The following CYP11B2 variants were observed in gnomAD, a reference collection of about 807,000 sequenced individuals.
CYP11B2 encodes the protein cytochrome P450 family 11 subfamily B member 2.
CYP11B2 carries 38 observed loss-of-function variants against 49.3 expected under a neutral mutation model. The ratio of observed to expected loss-of-function variants is 0.77; its 90% CI spans 0.59 to 1.01. The LOEUF (loss-of-function observed/expected upper bound fraction) is 1.01, where lower values mean the gene tolerates loss of function less well. Ranked by LOEUF, CYP11B2 falls within the 50% of genes least tolerant of loss-of-function variation. The probability of loss-of-function intolerance (pLI) is 0.00; values close to 1 mark genes in which losing one functional copy is unlikely to be tolerated. For missense variants in CYP11B2, 669 were observed against 655.5 expected, an observed-to-expected ratio of 1.02 and a Z score of -0.23; for synonymous variants, 290 against 269.3, an observed-to-expected ratio of 1.08 and a Z score of -0.75.
At chr8:142,913,715 C>T (rs1210485511) in intron 5 of CYP11B2, among the ~76,000 whole-genome samples, 1 of 152,178 alleles carries the variant, frequency 6.6e-6, no homozygotes, top group Non-Finnish European at 1.5e-5. Flanking sequence ...ACCATTAGGG[C>T]AGGGGGCCAC....
In CYP11B2 at chr8:142,914,239, G is replaced by A. The variant is rs757313604; in HGVS notation, c.954+25C>T. 4 of 1,613,816 alleles carry A rather than the reference G, an allele frequency of 2.5e-6. No homozygotes were observed. In the African/African-American group the frequency reaches 5.3e-5, roughly 22 times the overall value. ...AGGCAGGCTTGGCATCACCCTCTCT[G>A]GGTGGGGCTGGTTGCTGGCCTGACC... On this transcript the variant is annotated intron_variant, in intron 5 of 8. Coordinates refer to ENST00000323110, the MANE Select transcript of CYP11B2 (RefSeq NM_000498.3).
Position 142,912,019 on chromosome 8 carries a change from A to G in CYP11B2, c.1473T>C (p.Pro491=). 1 of 1,614,042 alleles carries G rather than the reference A, an allele frequency of 6.2e-7. No homozygotes were observed. The highest frequency in any genetic ancestry group is 1.1e-5 in the South Asian group (1 of 91,082). Residue 491 remains proline, a synonymous_variant, in exon 9 of 9, where the codon CCT becomes CCC. Transcript: ENST00000323110. ...TGAAAGTGAGGAGGGGGGACGTGCC[A>G]GGCCTCAATATGAAGCTGTAGACCA... ...IKMVYSFILR[P]GTSPLLTFRA... is the part of the protein sequence containing the mutation.
Position 142,917,747 on chromosome 8 carries a change from G to A in CYP11B2, c.94C>T (p.Pro32Ser). The change falls in exon 1 of 9, where the codon CCT becomes TCT. Residue 32 changes from proline to serine, a missense_variant. Transcript: ENST00000323110. ...GCTTCAAACGGCAGCACCGTCCTAG[G>A]GGCCCGAGCGGCTCTAGTGCCCAGT... ...RALGTRAARAPRTVLPFEAMP... is the reference protein window; with the variant it reads ...RALGTRAARASRTVLPFEAMP... The A allele has an allele frequency of 6.2e-7, 1 of 1,614,216 alleles. No homozygotes were observed. Among genetic ancestry groups the A allele is most frequent in the East Asian group, 2.2e-5 (1 of 44,888 alleles).
chr8:142,912,576 A>T lies in CYP11B2; in HGVS notation c.1352T>A (p.Leu451His), dbSNP rs374188262. Residue 451 changes from leucine (L) to histidine (H), a missense_variant, in exon 8 of 9, where the codon CTC becomes CAC. Coordinates refer to ENST00000323110, the MANE Select transcript of CYP11B2 (RefSeq NM_000498.3). The stretch of plus-strand genomic sequence containing the variant: ...CTCTGCCTCTGCCAGGCGCCGCCCG[A>T]GGCACTGGCGCATGCCAAAGCCAAA... The part of the protein sequence containing the change: ...VPFGFGMRQC[L>H]GRRLAEAEML... 4.3e-6 allele frequency: 7 copies of T among 1,613,312 alleles called. No homozygotes were observed. The African/African-American group carries it at 9.4e-5, about 22-fold the overall frequency.
rs549871929 is a variant in CYP11B2 at position 142,912,574 on chromosome 8, C to T, written c.1354G>A (p.Gly452Arg). 6.8e-6 allele frequency: 11 copies of T among 1,613,990 alleles called. No homozygotes were observed. The highest frequency in any genetic ancestry group is 6.7e-5 in the Admixed American group (4 of 60,004). Residue 452 changes from glycine to arginine, a missense_variant, in exon 8 of 9, where the codon GGG becomes AGG. By Grantham distance (125) the Gly-to-Arg change is moderately radical. Coordinates refer to ENST00000323110, the MANE Select transcript of CYP11B2 (RefSeq NM_000498.3). ...ATCTCTGCCTCTGCCAGGCGCCGCC[C>T]GAGGCACTGGCGCATGCCAAAGCCA... Reference protein sequence around the residue: ...PFGFGMRQCLGRRLAEAEMLL... With the variant: ...PFGFGMRQCLRRRLAEAEMLL...
intron 2 of CYP11B2, chr8:142,916,473 C>A (rs1254102174): frequency 2.2e-6 from 1 of 455,326 alleles, no homozygotes. Flanking sequence ...CCACCCTCTC[C>A]ACGGGCCAGG....
intron 4 of CYP11B2, 89 bp downstream of exon 4, chr8:142,914,616 C>T: frequency 1.3e-6 from 2 of 1,490,218 alleles, no homozygotes; most frequent in African/African-American, 1.5e-5. Flanking sequence ...CTCCCTGTGG[C>T]CTCCATTCCC....
rs1817612696 is a variant in CYP11B2, at chr8:142,914,853, A to G, written c.651T>C (p.Ser217=). 14 of 1,613,680 alleles carry G rather than the reference A, an allele frequency of 8.7e-6. No individual in the cohort carries two copies. Among genetic ancestry groups the G allele is most frequent in the Non-Finnish European group, 1.2e-5 (14 of 1,179,980 alleles). Reference sequence around the variant, plus strand: ...CATGGAGGAAGTTCAGGCTGGCAGAACTGGGGCTGTGGCCAACCAGGCCCA... The same window carrying G: ...CATGGAGGAAGTTCAGGCTGGCAGAGCTGGGGCTGTGGCCAACCAGGCCCA... The part of the protein sequence containing the change: ...ERLGLVGHSP[S]SASLNFLHAL... Residue 217 remains serine, a synonymous_variant, in exon 4 of 9, where the codon AGT becomes AGC. Transcript: ENST00000323110.
chr8:142,917,624 G>T lies in CYP11B2; in HGVS notation c.217C>A (p.Gln73Lys). 4 of 1,614,258 alleles carry T rather than the reference G, an allele frequency of 2.5e-6. No homozygotes were observed. The highest frequency in any genetic ancestry group is 3.4e-6 in the Non-Finnish European group (4 of 1,180,046). The change falls in exon 1 of 9, where the codon CAG becomes AAG. Residue 73 changes from glutamine to lysine, a missense_variant. Transcript: ENST00000323110. The stretch of plus-strand genomic sequence containing the variant: ...TACCTGAAAATGGGCCCCAGCTCCT[G>T]GAAGGTCTGGTGCATCTCCAGGTGC... ...HLHLEMHQTF[Q>K]ELGPIFRYNL...
rs1817560257 is a variant in CYP11B2 at position 142,912,702 on chromosome 8, G to A, written c.1226C>T (p.Ser409Leu). 2 of 1,614,038 alleles carry A rather than the reference G, an allele frequency of 1.2e-6. No individual in the cohort carries two copies. The highest frequency in any genetic ancestry group is 1.1e-5 in the South Asian group (1 of 91,086). ...AGTLVQVFLY[S>L]LGRNAALFPR... ...GAACAAGGCGGCATTGCGACCCAGCGAGTAGAGGAAAACCTGTACCAATGT... is the reference window on the plus strand; with the variant it reads ...GAACAAGGCGGCATTGCGACCCAGCAAGTAGAGGAAAACCTGTACCAATGT... Residue 409 changes from serine to leucine, a missense_variant, in exon 8 of 9, where the codon TCG becomes TTG. Physicochemically the swap from Ser to Leu is moderately radical, Grantham distance 145. Transcript: ENST00000323110.
At chr8:142,916,258 A>AT (rs1462748486) in intron 2 of CYP11B2, among the ~76,000 whole-genome samples, 1 of 152,088 alleles carries the variant, frequency 6.6e-6, no homozygotes, top group African/African-American at 2.4e-5. Flanking sequence ...GATGTCATCT[A>AT]TAGGCCAGCC....
rs1271019183 is a variant in CYP11B2, at chr8:142,911,674, G to C, written c.*306C>G. On this transcript the variant is annotated 3_prime_UTR_variant, in exon 9 of 9. Coordinates refer to ENST00000323110, the MANE Select transcript of CYP11B2 (RefSeq NM_000498.3). ...CTTGCATGGCCTCATGAGGAGCCTG[G>C]AGCCAGCGCTGGGAGTAGAGTCAAG... The C allele has an allele frequency of 5.4e-6, 2 of 372,632 alleles. No homozygotes were observed. The highest frequency in any genetic ancestry group is 9.2e-6 in the Non-Finnish European group (2 of 217,404). The allele number at this position is 372,632 out of a possible 1,614,324, so 23.1% of individuals were successfully genotyped here.
intron 1 of CYP11B2, 150 bp from the exon 2 acceptor site, chr8:142,917,364 C>T: frequency 7.0e-7 from 1 of 1,420,274 alleles, no homozygotes; most frequent in Non-Finnish European, 9.8e-7. Context: ...CTCCCTGGAA[C>T]CTTTCAACTT....
At position 142,917,154 on chromosome 8, in the gene CYP11B2, C is replaced by A. The variant is rs1817661853; in HGVS notation, c.300G>T (p.Leu100=). ...AGGGATGCAGGCTGTCCACCTGTTG[C>A]AGCTTCTCCACATCCTCCGGCAGCA... is the stretch of plus-strand genomic sequence containing the variant. ...CVMLPEDVEK[L]QQVDSLHPCR... is the part of the protein sequence containing the mutation. Residue 100 remains leucine (L), a synonymous_variant, in exon 2 of 9, where the codon CTG becomes CTT. Coordinates refer to ENST00000323110, the MANE Select transcript of CYP11B2 (RefSeq NM_000498.3). The A allele has an allele frequency of 1.2e-6, 2 of 1,614,196 alleles. No homozygotes were observed. Among genetic ancestry groups the A allele is most frequent in the Middle Eastern group, 1.6e-4 (1 of 6,062 alleles).
chr8:142,917,486 A>G (rs1817668031), intron 1 of CYP11B2, 116 bp downstream of exon 1: 1 of 1,612,748 alleles, frequency 6.2e-7, no homozygotes. Flanking sequence ...CCCATCCTCC[A>G]AAGGATGCAG....
chr8:142,912,125 G>T (rs909858246), intron 8 of CYP11B2, 32 bp from the exon 9 acceptor site: 3 of 1,613,528 alleles, frequency 1.9e-6, no homozygotes, highest in African/African-American at 2.7e-5. Flanking sequence ...CATCTGGCCT[G>T]GTCAGTAGCC....
intron 2 of CYP11B2, 152 bp downstream of exon 2, chr8:142,916,907 G>C (rs147653269): frequency 0.071 from 88,022 of 1,238,376 alleles, 3,807 homozygotes; most frequent in Non-Finnish European, 0.083. Flanking sequence ...CGACCCCACA[G>C]GATGGCCGTC....
At chr8:142,917,475 C>T in intron 1 of CYP11B2, 127 bp downstream of exon 1, 1 of 1,612,560 alleles carries the variant, frequency 6.2e-7, no homozygotes, top group Non-Finnish European at 8.5e-7. Context: ...TGCACTCCTT[C>T]CCCATCCTCC....
intron 2 of CYP11B2, chr8:142,916,289 C>G (rs561873767): frequency 2.5e-6 from 1 of 401,890 alleles, no homozygotes; most frequent in Non-Finnish European, 5.1e-6. Flanking sequence ...CCCCGACCCA[C>G]GGGTGCCCTT....
Sources: allele counts gnomAD v4.1 joint callset (sites outside exome capture counted in the v4.1 genomes callset), GRCh38; gene constraint gnomAD v4.1.1; transcripts MANE v1.5; gene names NCBI Gene and HGNC (gene_info 2026-07-23, HGNC 2026-07-21).